The following CLDN10 variants were observed in gnomAD, a reference collection of about 807,000 sequenced individuals.
The protein encoded by CLDN10 is claudin-10.
In CLDN10, 15 loss-of-function variants were observed where a neutral mutation model predicts 22.9. The observed-to-expected ratio is 0.65, with a 90% CI of 0.44 to 1.01. The LOEUF is 1.01. Ranked by LOEUF, CLDN10 falls within the 50% of genes least tolerant of loss-of-function variation. The pLI is 0.00. For synonymous variants in CLDN10, 114 were observed against 111.4 expected, an observed-to-expected ratio of 1.02 and a Z score of -0.15; for missense variants, 247 against 287.8, an observed-to-expected ratio of 0.86 and a Z score of 1.03.
intron 1 of CLDN10, among the ~76,000 whole-genome samples, chr13:95,536,794 GC>G (rs1171739134): frequency 4.6e-5 from 1 of 21,588 alleles, no homozygotes; most frequent in Admixed American, 6.9e-4. Context: ...AAAACTGCAT[GC>G]CTTTTTAAAA....
At chr13:95,531,456 T>G (rs2043341339) in intron 1 of CLDN10, among the ~76,000 whole-genome samples, 1 of 152,156 alleles carries the variant, frequency 6.6e-6, no homozygotes, top group South Asian at 2.1e-4. Context: ...TATATCCTCA[T>G]TATTAAACTC....
At chr13:95,561,246 T>C (rs1190014738) in intron 3 of CLDN10, among the ~76,000 whole-genome samples, 8 of 152,202 alleles carry the variant, frequency 5.3e-5, no homozygotes, top group Admixed American at 5.2e-4. Flanking sequence ...ATGAGGCTGG[T>C]AATTTTATTT....
intron 1 of CLDN10, among the ~76,000 whole-genome samples, chr13:95,530,170 A>G (rs971402298): frequency 6.6e-6 from 1 of 151,480 alleles, no homozygotes; most frequent in Non-Finnish European, 1.5e-5. Context: ...GACAGGGGGG[A>G]AATGGGGAGG....
At chr13:95,497,544 T>C (rs2138530440) in intron 1 of CLDN10, among the ~76,000 whole-genome samples, 1 of 152,308 alleles carries the variant, frequency 6.6e-6, no homozygotes, top group African/African-American at 2.4e-5. Flanking sequence ...TCCTCCCGGC[T>C]TTGTGCAGAT....
chr13:95,449,330 C>T (rs2042410961), intron 1 of CLDN10, among the ~76,000 whole-genome samples: 1 of 151,992 alleles, frequency 6.6e-6, no homozygotes, highest in Non-Finnish European at 1.5e-5. Flanking sequence ...CGGCTCACTG[C>T]AAACTTCATC....
intron 1 of CLDN10, among the ~76,000 whole-genome samples, chr13:95,494,926 T>C (rs1193118312): frequency 6.6e-6 from 1 of 152,066 alleles, no homozygotes; most frequent in African/African-American, 2.4e-5. Context: ...ACCCCTACTC[T>C]TAAAAAACTA....
intron 1 of CLDN10, among the ~76,000 whole-genome samples, chr13:95,513,111 C>T (rs1430701271): frequency 1.3e-5 from 2 of 152,148 alleles, no homozygotes; most frequent in African/African-American, 4.8e-5. Flanking sequence ...ATCTCCTGGG[C>T]TTAAGCGATC....
chr13:95,552,735 C>A lies in CLDN10; in HGVS notation c.-19C>A, dbSNP rs535248103. 5 of 1,601,164 alleles carry A rather than the reference C, an allele frequency of 3.1e-6. No homozygotes were observed. In the East Asian group the frequency reaches 6.8e-5, roughly 22 times the overall value. On this transcript the variant is annotated 5_prime_UTR_variant, in exon 1 of 5. Coordinates refer to ENST00000299339, the MANE Select transcript of CLDN10 (RefSeq NM_006984.5). The stretch of plus-strand genomic sequence containing the variant: ...CGCAGAGTGGGAGCCGGAGAGCGAG[C>A]GCGGCTGCAGCCGGCGGCATGGCTA...
At chr13:95,479,233 C>T (rs1048531646) in intron 1 of CLDN10, among the ~76,000 whole-genome samples, 1 of 152,032 alleles carries the variant, frequency 6.6e-6, no homozygotes. Flanking sequence ...CCTGTAATCC[C>T]AACTACTTGG....
chr13:95,531,886 GT>G (rs1443875031), intron 1 of CLDN10, among the ~76,000 whole-genome samples: 1 of 151,972 alleles, frequency 6.6e-6, no homozygotes, highest in African/African-American at 2.4e-5. Context: ...TTACACATGT[GT>G]TTGATTTTCC....
intron 1 of CLDN10, among the ~76,000 whole-genome samples, chr13:95,475,731 A>G (rs2042678930): frequency 6.6e-6 from 1 of 151,618 alleles, no homozygotes; most frequent in African/African-American, 2.4e-5. Context: ...CCTGGGGTCT[A>G]TCCTCATGTG....
chr13:95,557,962 C>T lies in CLDN10; in HGVS notation c.221-2170C>T, dbSNP rs573283048. On this transcript the variant is annotated intron_variant, in intron 1 of 4. Coordinates refer to ENST00000299339, the MANE Select transcript of CLDN10 (RefSeq NM_006984.5). ...TAGAATTTAACCTTTGGTAAATTCC[C>T]GACAACTTGCACTTTCTGTTAACAA... is the stretch of plus-strand genomic sequence containing the variant. Among the ~76,000 whole-genome samples, 226 of 152,130 alleles carry T rather than the reference C, an allele frequency of 1.5e-3. 1 individual carries two copies. The highest frequency in any genetic ancestry group is 4.3e-3 in the African/African-American group (179 of 41,510).
At chr13:95,463,916 G>A (rs952838163) in intron 1 of CLDN10, among the ~76,000 whole-genome samples, 2 of 152,026 alleles carry the variant, frequency 1.3e-5, no homozygotes, top group South Asian at 4.1e-4. Context: ...GAAATTGTCT[G>A]AATTAAATTT....
intron 3 of CLDN10, among the ~76,000 whole-genome samples, chr13:95,575,120 C>T (rs1486904276): frequency 6.6e-6 from 1 of 152,160 alleles, no homozygotes; most frequent in Non-Finnish European, 1.5e-5. Flanking sequence ...AGAAAAATCT[C>T]AGACCATGTT....
chr13:95,564,224 C>T (rs2043754494), intron 3 of CLDN10, among the ~76,000 whole-genome samples: 1 of 152,168 alleles, frequency 6.6e-6, no homozygotes, highest in Admixed American at 6.5e-5. Context: ...CTTTCCCTAG[C>T]ACAGTACCTA....
chr13:95,470,173 C>G (rs1246357858), intron 1 of CLDN10, among the ~76,000 whole-genome samples: 2 of 152,168 alleles, frequency 1.3e-5, no homozygotes, highest in East Asian at 3.8e-4. Context: ...TTAGTGAATT[C>G]TTACCAGAAA....
intron 1 of CLDN10, among the ~76,000 whole-genome samples, chr13:95,496,438 A>T (rs1016928625): frequency 2.6e-5 from 4 of 152,198 alleles, no homozygotes; most frequent in Non-Finnish European, 5.9e-5. Flanking sequence ...TGTATGGGGC[A>T]TTTTCAAAAT....
chr13:95,530,088 C>T (rs35921212), intron 1 of CLDN10, among the ~76,000 whole-genome samples: 14,779 of 151,944 alleles, frequency 0.097, 904 homozygotes, highest in Middle Eastern at 0.12. Context: ...AAACACCAAC[C>T]AGAAAGTGTG....
At chr13:95,533,473 A>C (rs532454264) in intron 1 of CLDN10, among the ~76,000 whole-genome samples, 166 of 152,342 alleles carry the variant, frequency 1.1e-3, no homozygotes, top group Non-Finnish European at 2.0e-3. Flanking sequence ...TACATTTCAC[A>C]GAATTGTTTT....
Sources: allele counts gnomAD v4.1 joint callset (sites outside exome capture counted in the v4.1 genomes callset), GRCh38; gene constraint gnomAD v4.1.1; transcripts MANE v1.5; gene names NCBI Gene and HGNC (gene_info 2026-07-23, HGNC 2026-07-21).